Variants in AKAP3 observed in about 807,000 individuals in gnomAD.
AKAP3 encodes the protein A-kinase anchor protein 3.
A neutral mutation model predicts 57.2 loss-of-function variants in AKAP3; 27 were observed. That is an observed-to-expected ratio of 0.47 (90% CI 0.35 to 0.65). The LOEUF (loss-of-function observed/expected upper bound fraction) is 0.65. Ranked by LOEUF, AKAP3 falls within the 30% of genes least tolerant of loss-of-function variation. The pLI is 0.01. For missense variants in AKAP3, 959 were observed against 1,040.0 expected, an observed-to-expected ratio of 0.92 and a Z score of 1.07; for synonymous variants, 334 against 392.3, an observed-to-expected ratio of 0.85 and a Z score of 1.76.
chr12:4,631,884 G>C (rs1001140052), intron 4 of AKAP3, among the ~76,000 whole-genome samples: 5 of 151,988 alleles, frequency 3.3e-5, no homozygotes, highest in African/African-American at 1.2e-4. Flanking sequence ...ATTTTACTTT[G>C]ATATGCTTTT....
chr12:4,646,198 A>G (rs893972617), intron 1 of AKAP3, among the ~76,000 whole-genome samples: 1 of 152,178 alleles, frequency 6.6e-6, no homozygotes, highest in African/African-American at 2.4e-5. Flanking sequence ...TACTCTTTCT[A>G]TGCTTTATTA....
intron 4 of AKAP3, chr12:4,635,944 C>CT: frequency 1.0e-6 from 1 of 964,206 alleles, no homozygotes; most frequent in South Asian, 1.3e-5. Flanking sequence ...AGTTGGTTTT[C>CT]TTTTTGGGCC....
chr12:4,628,156 C>T lies in AKAP3; in HGVS notation c.746G>A (p.Arg249His), dbSNP rs774264124. ...SFFYKEVFES[R>H]NGDYAREGGR... ...ACCCTCTCTGGCATAATCTCCATTA[C>T]GAGATTCAAACACTTCCTTATAGAA... Residue 249 changes from arginine to histidine, a missense_variant, in exon 5 of 6, where the codon CGT (arginine) becomes CAT (histidine). Coordinates refer to ENST00000228850, the MANE Select transcript of AKAP3 (RefSeq NM_001278309.2). The T allele has an allele frequency of 4.2e-5, 68 of 1,614,154 alleles. No individual in the cohort carries two copies. The East Asian group carries it at 5.6e-4, about 13-fold the overall frequency.
Position 4,628,307 on chromosome 12 carries a change from C to T in AKAP3, c.595G>A (p.Gly199Arg). ...TGTGATGATCCCGAGACTCTGTCTC[C>T]AGAGCCAGGAGCCTTGTCTGGGGCA... ...NAAPDKAPGS[G>R]DRVSGSSQSP... The change falls in exon 5 of 6, where the codon GGA becomes AGA. Residue 199 changes from glycine (G) to arginine (R), a missense_variant. By Grantham distance (125) the Gly-to-Arg change is moderately radical. Transcript: ENST00000228850. 1 of 1,614,126 alleles carries T rather than the reference C, an allele frequency of 6.2e-7. No homozygotes were observed. Among genetic ancestry groups the T allele is most frequent in the African/African-American group, 1.3e-5 (1 of 75,034 alleles).
At position 4,648,976 on chromosome 12, in the gene AKAP3, C is replaced by G. The variant is rs189188506; in HGVS notation, c.-476G>C. The G allele has an allele frequency of 1.2e-6, 1 of 836,552 alleles. No individual in the cohort carries two copies. Among genetic ancestry groups the G allele is most frequent in the Non-Finnish European group, 1.9e-6 (1 of 536,310 alleles). The allele number at this position is 836,552 out of a possible 1,614,324, so 51.8% of individuals were successfully genotyped here. On this transcript the variant is annotated 5_prime_UTR_variant, in exon 1 of 6. Coordinates refer to ENST00000228850, the MANE Select transcript of AKAP3 (RefSeq NM_001278309.2). Reference sequence around the variant, plus strand: ...CACTTCCTTTCTTCCCCCTCTCCTTCACTTTCCCAGCTTTCTTCTTAACCA... The same window carrying G: ...CACTTCCTTTCTTCCCCCTCTCCTTGACTTTCCCAGCTTTCTTCTTAACCA...
chr12:4,629,242 C>T (rs912587366), intron 4 of AKAP3, among the ~76,000 whole-genome samples: 5 of 152,202 alleles, frequency 3.3e-5, no homozygotes, highest in South Asian at 2.1e-4. Context: ...AGGATAATGA[C>T]TTCCAGCTCC....
At position 4,625,341 on chromosome 12, in the gene AKAP3, C is replaced by T. The variant is rs561984025; in HGVS notation, c.2406+1155G>A. Among the ~76,000 whole-genome samples the T allele has an allele frequency of 2.0e-5, 3 of 152,244 alleles. No homozygotes were observed. In the East Asian group the frequency reaches 5.8e-4, roughly 29 times the overall value. ...CCAGGTGATGCCAATGTTGTAGGTC[C>T]ACAGACTACACTTTAAGTAGCACGT... On this transcript the variant is annotated intron_variant, in intron 5 of 5. Coordinates refer to ENST00000228850, the MANE Select transcript of AKAP3 (RefSeq NM_001278309.2). This position sits in a 1 kb window ranked among gnomAD's most constrained non-coding sequence, Gnocchi z 5.4.
rs1173156947 is a variant in AKAP3 at position 4,645,071 on chromosome 12, T to C, written c.-123A>G. The C allele has an allele frequency of 6.6e-6, 1 of 152,244 alleles. No homozygotes were observed. Among genetic ancestry groups the C allele is most frequent in the Non-Finnish European group, 1.5e-5 (1 of 68,052 alleles). The allele number at this position is 152,244 out of a possible 1,614,324, so 9.4% of individuals were successfully genotyped here. A position where few individuals can be genotyped will look rare whatever the true frequency, so the allele number is the denominator to read the frequency against. Reference sequence around the variant, plus strand: ...ATTACCTACCTCTGTAGTACTGGAATAGTGAACCACGGAAGACTCCAGAAT... The same window carrying C: ...ATTACCTACCTCTGTAGTACTGGAACAGTGAACCACGGAAGACTCCAGAAT... On this transcript the variant is annotated 5_prime_UTR_variant, in exon 2 of 6. Transcript: ENST00000228850.
In AKAP3 at chr12:4,615,567, A is replaced by G. The variant is rs1945273941; in HGVS notation, c.*172T>C. The G allele has an allele frequency of 3.8e-6, 3 of 792,102 alleles. No homozygotes were observed. 49.1% of individuals were successfully genotyped at this position (792,102 alleles called of 1,614,324 possible). A position where few individuals can be genotyped will look rare whatever the true frequency, so the allele number is the denominator to read the frequency against. ...CGTCCTTGCTTGCATGGACAGGAAA[A>G]TCTGCAAAATCCAGTGGCTAGCACA... On this transcript the variant is annotated 3_prime_UTR_variant, in exon 6 of 6. Transcript: ENST00000228850.
intron 4 of AKAP3, among the ~76,000 whole-genome samples, chr12:4,637,061 T>C (rs1945575864): frequency 6.6e-6 from 1 of 152,248 alleles, no homozygotes; most frequent in Admixed American, 6.5e-5. Flanking sequence ...AATGATGTAA[T>C]AGGATAGAGT....
Position 4,628,440 on chromosome 12 carries a change from A to G in AKAP3, c.462T>C (p.Cys154=). The change falls in exon 5 of 6, where the codon TGT becomes TGC. Residue 154 remains cysteine, a synonymous_variant. Coordinates refer to ENST00000228850, the MANE Select transcript of AKAP3 (RefSeq NM_001278309.2). The part of the protein sequence containing the change: ...NEKIDGSENK[C]VYQSLYMGNE... ...TCCCCATGTACAATGACTGATAGAC[A>G]CATTTGTTTTCAGAGCCATCGATCT... 1 of 1,614,156 alleles carries G rather than the reference A, an allele frequency of 6.2e-7. No individual in the cohort carries two copies.
At chr12:4,647,822 A>G (rs1276503906) in intron 1 of AKAP3, 1 of 151,862 alleles carries the variant, frequency 6.6e-6, no homozygotes, top group African/African-American at 2.4e-5. Flanking sequence ...CTCTCTTCCA[A>G]TTCAATTTGT....
chr12:4,631,532 G>C (rs902046903), intron 4 of AKAP3: 34 of 573,380 alleles, frequency 5.9e-5, no homozygotes, highest in Non-Finnish European at 9.5e-5. Context: ...TTCCCCCAGA[G>C]AGTATTAATG....
At position 4,644,509 on chromosome 12, in the gene AKAP3, C is replaced by T. The variant is rs139173374; in HGVS notation, c.-107+546G>A. On this transcript the variant is annotated intron_variant, in intron 2 of 5. Coordinates refer to ENST00000228850, the MANE Select transcript of AKAP3 (RefSeq NM_001278309.2). ...AAAAGGATAGCTGAGGAGATCTTGTCAAATCTGTAACCAAATCACAATGTC... is the reference window on the plus strand; with the variant it reads ...AAAAGGATAGCTGAGGAGATCTTGTTAAATCTGTAACCAAATCACAATGTC... 2.0e-3 allele frequency among the ~76,000 whole-genome samples: 308 copies of T among 152,316 alleles called. 2 individuals are homozygous for T. The highest frequency in any genetic ancestry group is 6.7e-3 in the African/African-American group (278 of 41,570).
Position 4,627,076 on chromosome 12 carries a change from C to T in AKAP3, c.1826G>A (p.Arg609His), listed in dbSNP as rs148718105. 4.5e-5 allele frequency: 73 copies of T among 1,614,054 alleles called. No homozygotes were observed. Among genetic ancestry groups the T allele is most frequent in the South Asian group, 2.9e-4 (26 of 91,062 alleles). The change falls in exon 5 of 6, where the codon CGT becomes CAT. Residue 609 changes from arginine to histidine, a missense_variant. Coordinates refer to ENST00000228850, the MANE Select transcript of AKAP3 (RefSeq NM_001278309.2). ...CACCTTGGGTTCAGGGCTCTGGTCACGCTTGAAAATGGTCTCACTAAGTAA... is the reference window on the plus strand; with the variant it reads ...CACCTTGGGTTCAGGGCTCTGGTCATGCTTGAAAATGGTCTCACTAAGTAA... ...RNLLSETIFK[R>H]DQSPEPKVPE...
In AKAP3 at chr12:4,627,994, GTCT is replaced by G. The variant is rs1404328190; in HGVS notation, c.905_907del (p.Lys302del). 2 of 1,613,966 alleles carry G rather than the reference GTCT, an allele frequency of 1.2e-6. No homozygotes were observed. The highest frequency in any genetic ancestry group is 4.5e-5 in the East Asian group (2 of 44,872). ...TGTGTCTTTCACTTGGATCTTCAGT[GTCT>G]TCATGATGGAGACCATCATATCAGA... On this transcript the variant is annotated inframe_deletion, in exon 5 of 6. Transcript: ENST00000228850.
intron 5 of AKAP3, among the ~76,000 whole-genome samples, chr12:4,624,389 T>C (rs1375518963): frequency 6.7e-6 from 1 of 149,342 alleles, no homozygotes; most frequent in Non-Finnish European, 1.5e-5. Context: ...AAATAAGAAA[T>C]TGATCCAAAC....
intron 4 of AKAP3, among the ~76,000 whole-genome samples, chr12:4,634,587 A>T (rs899541116): frequency 1.3e-5 from 2 of 152,208 alleles, no homozygotes; most frequent in African/African-American, 4.8e-5. Flanking sequence ...GCCAGCAGTG[A>T]TTAATTAGAT....
In AKAP3 at chr12:4,625,740, GGAGA is replaced by G. The variant is rs1450491177; in HGVS notation, c.2406+752_2406+755del. ...GAGCAAGCGAGCGAGAAGGCAGAGA[GGAGA>G]GAGAAGAGAAGGTTGTAGGGATGGT... On this transcript the variant is annotated intron_variant, in intron 5 of 5. Transcript: ENST00000228850. The surrounding 1 kb of genome is among the most constrained non-coding windows in gnomAD (Gnocchi z 5.4). Among the ~76,000 whole-genome samples, 1 of 151,916 alleles carries G rather than the reference GGAGA, an allele frequency of 6.6e-6. No individual in the cohort carries two copies. The highest frequency in any genetic ancestry group is 1.5e-5 in the Non-Finnish European group (1 of 68,012).
Sources: allele counts gnomAD v4.1 joint callset (sites outside exome capture counted in the v4.1 genomes callset), GRCh38; gene constraint gnomAD v4.1.1; non-coding constraint Gnocchi (gnomAD v3.1); transcripts MANE v1.5; gene names NCBI Gene and HGNC (gene_info 2026-07-23, HGNC 2026-07-21).